The following BMPR1A variants were observed in gnomAD, a reference collection of about 807,000 sequenced individuals.
BMPR1A encodes the protein bone morphogenetic protein receptor type 1A.
In BMPR1A, 7 loss-of-function variants were observed where a neutral mutation model predicts 66.0. That is an observed-to-expected ratio of 0.11 (90% confidence interval 0.06 to 0.20). BMPR1A has a LOEUF of 0.20. BMPR1A is among the 10% of genes least tolerant of loss of function. BMPR1A has a pLI of 1.00. For synonymous variants in BMPR1A, 200 were observed against 229.7 expected (o/e 0.87, Z 1.17); for missense variants, 408 against 669.1 (o/e 0.61, Z 4.31).
intron 1 of BMPR1A, among the ~76,000 whole-genome samples, chr10:86,810,315 T>A (rs1182294913): frequency 1.3e-5 from 2 of 152,180 alleles, no homozygotes; most frequent in Non-Finnish European, 2.9e-5. Flanking sequence ...AGTAATGTAT[T>A]CATTCGTTGG....
chr10:86,895,846 G>A (rs548348510), intron 5 of BMPR1A, among the ~76,000 whole-genome samples: 3 of 152,150 alleles, frequency 2.0e-5, no homozygotes, highest in South Asian at 4.2e-4. Context: ...TGGGCAACAC[G>A]GCAGAACCCC....
chr10:86,890,976 T>C (rs1183410185), intron 4 of BMPR1A, among the ~76,000 whole-genome samples: 1 of 152,242 alleles, frequency 6.6e-6, no homozygotes, highest in African/African-American at 2.4e-5. Flanking sequence ...AAAAATTGCC[T>C]GAACAACTCA....
At chr10:86,801,647 A>C (rs1841812149) in intron 1 of BMPR1A, among the ~76,000 whole-genome samples, 1 of 152,096 alleles carries the variant, frequency 6.6e-6, no homozygotes, top group East Asian at 1.9e-4. Context: ...TTCCTTAGCC[A>C]GATGCTTCAG....
chr10:86,828,854 G>T (rs1842231019), intron 1 of BMPR1A, among the ~76,000 whole-genome samples: 2 of 152,118 alleles, frequency 1.3e-5, no homozygotes, highest in African/African-American at 4.8e-5. Flanking sequence ...AAGAAAGAGG[G>T]TGTTATCAAA....
intron 7 of BMPR1A, among the ~76,000 whole-genome samples, chr10:86,904,654 G>T (rs1475172086): frequency 6.6e-6 from 1 of 152,128 alleles, no homozygotes; most frequent in Non-Finnish European, 1.5e-5. Context: ...CCACATAAAA[G>T]AATGAAGATC....
chr10:86,893,541 G>C (rs1462901576), intron 5 of BMPR1A, among the ~76,000 whole-genome samples: 1 of 152,210 alleles, frequency 6.6e-6, no homozygotes, highest in Non-Finnish European at 1.5e-5. Context: ...TGTAATCCCA[G>C]CACTTTGGGA....
At chr10:86,867,539 G>C (rs374324519) in intron 2 of BMPR1A, among the ~76,000 whole-genome samples, 1 of 152,160 alleles carries the variant, frequency 6.6e-6, no homozygotes, top group Non-Finnish European at 1.5e-5. Flanking sequence ...GAATCTCTTC[G>C]AAGTACAGAT....
chr10:86,804,698 C>G (rs1841862589), intron 1 of BMPR1A, among the ~76,000 whole-genome samples: 1 of 151,340 alleles, frequency 6.6e-6, no homozygotes, highest in African/African-American at 2.4e-5. Flanking sequence ...AGTGAATAAC[C>G]CAAGTATTTG....
chr10:86,835,246 AAAG>A (rs1842324149), intron 1 of BMPR1A, among the ~76,000 whole-genome samples: 2 of 131,018 alleles, frequency 1.5e-5, no homozygotes, highest in East Asian at 6.8e-4. Context: ...AAAAAGAAAA[AAAG>A]AAAAAAAAAA....
At chr10:86,757,048 G>A (rs934720292) in intron 1 of BMPR1A, 129 bp downstream of exon 1, 3 of 150,654 alleles carry the variant, frequency 2.0e-5, no homozygotes, top group Non-Finnish European at 4.4e-5. Context: ...GCCCGGCCCC[G>A]GCAGCTCCGC....
Position 86,917,336 on chromosome 10 carries a change from C to T in BMPR1A, c.868+10C>T, listed in dbSNP as rs1843589555. ...CATGAAAACATACTTGGTGGGTACA[C>T]ACTGATTCAGTCAATTTCATTTTTG... On this transcript the variant is annotated intron_variant, in intron 9 of 12. Coordinates refer to ENST00000372037, the MANE Select transcript of BMPR1A (RefSeq NM_004329.3). 6.2e-7 allele frequency: 1 copy of T among 1,613,900 alleles called. No homozygotes were observed. Among genetic ancestry groups the T allele is most frequent in the Non-Finnish European group, 8.5e-7 (1 of 1,179,962 alleles).
At chr10:86,886,674 T>C (rs1843071267) in intron 3 of BMPR1A, among the ~76,000 whole-genome samples, 1 of 152,076 alleles carries the variant, frequency 6.6e-6, no homozygotes, top group Admixed American at 6.6e-5. Flanking sequence ...TCCTGTTACT[T>C]TTCTTTGTAT....
intron 3 of BMPR1A, chr10:86,889,466 T>A (rs1188269264): frequency 3.9e-5 from 6 of 152,482 alleles, no homozygotes; most frequent in Non-Finnish European, 7.3e-5. Flanking sequence ...ACCAAAGAGT[T>A]AAAAGAAGAA....
intron 1 of BMPR1A, among the ~76,000 whole-genome samples, chr10:86,799,517 T>TCC: frequency 1.5e-5 from 2 of 136,856 alleles, no homozygotes; most frequent in African/African-American, 5.8e-5. Context: ...TTTCTTTTCT[T>TCC]TTCTTTTCTT....
chr10:86,876,493 C>A (rs528983240), intron 3 of BMPR1A, among the ~76,000 whole-genome samples: 10 of 152,212 alleles, frequency 6.6e-5, no homozygotes, highest in African/African-American at 2.4e-4. Flanking sequence ...ATTGAAAAAT[C>A]ATTTTATTGG....
intron 8 of BMPR1A, among the ~76,000 whole-genome samples, chr10:86,914,098 C>G (rs898177441): frequency 1.3e-5 from 2 of 150,548 alleles, no homozygotes; most frequent in Non-Finnish European, 2.9e-5. Context: ...GGAACATGCA[C>G]TTAATATGGT....
intron 1 of BMPR1A, among the ~76,000 whole-genome samples, chr10:86,796,490 CATTTATTTATTTATTT>C (rs138802508): frequency 8.1e-5 from 12 of 148,094 alleles, no homozygotes; most frequent in African/African-American, 2.0e-4. Flanking sequence ...AATTTAGGCA[CATTTATTTATTTATTT>C]ATTTATTTAT....
intron 7 of BMPR1A, among the ~76,000 whole-genome samples, chr10:86,908,548 C>T (rs1015489440): frequency 1.3e-5 from 2 of 152,094 alleles, no homozygotes; most frequent in African/African-American, 2.4e-5. Context: ...TCATTTGCTT[C>T]GAGTTGGGGT....
intron 5 of BMPR1A, among the ~76,000 whole-genome samples, chr10:86,897,862 T>C (rs890052153): frequency 1.1e-4 from 16 of 152,178 alleles, no homozygotes; most frequent in Non-Finnish European, 1.5e-5. Context: ...CACTTCAGCT[T>C]CCCAAAGTGC....
Sources: gnomAD v4.1 joint callset for allele counts (sites outside exome capture counted in the v4.1 genomes callset) on GRCh38, gnomAD v4.1.1 for gene constraint, MANE v1.5 for transcripts, NCBI Gene and HGNC (gene_info 2026-07-23, HGNC 2026-07-21) for gene names.